HEBP1: variants seen among roughly 807,000 people sequenced by gnomAD.
HEBP1 encodes the protein heme binding protein 1.
In HEBP1, 13 loss-of-function variants were observed where a neutral mutation model predicts 20.4. The observed-to-expected ratio is 0.64, with a 90% CI of 0.42 to 1.01. The LOEUF is 1.01. HEBP1 is among the 50% of genes least tolerant of loss of function. The pLI, the probability that HEBP1 is intolerant of heterozygous loss-of-function variation, is 0.00. For missense variants in HEBP1, 241 were observed against 247.3 expected (o/e 0.97, Z 0.17); for synonymous variants, 92 against 90.7 (o/e 1.01, Z -0.08).
rs932131055 is a variant in HEBP1 at position 12,986,300 on chromosome 12, A to G, written c.398+852T>C. 1.3e-5 allele frequency: 2 copies of G among 152,410 alleles called. No individual in the cohort carries two copies. The highest frequency in any genetic ancestry group is 4.8e-5 in the African/African-American group (2 of 41,456). The allele number at this position is 152,410 out of a possible 1,614,324, so 9.4% of individuals were successfully genotyped here. On this transcript the variant is annotated intron_variant, in intron 3 of 3. Transcript: ENST00000014930. The surrounding 1 kb of genome is among the most constrained non-coding windows in gnomAD (Gnocchi z 4.3). ...ACACAGCTCCGGGGAAAATGGTCCC[A>G]CCATCAGGTTCAGGGTTGCAGCAGG...
At position 12,981,178 on chromosome 12, in the gene HEBP1, C is replaced by T. The variant is rs114371175; in HGVS notation, c.399-5699G>A. Among the ~76,000 whole-genome samples, 431 of 152,224 alleles carry T rather than the reference C, an allele frequency of 2.8e-3. 3 individuals are homozygous for T. The highest frequency in any genetic ancestry group is 9.7e-3 in the African/African-American group (403 of 41,544). On this transcript the variant is annotated intron_variant, in intron 3 of 3. Transcript: ENST00000014930. ...TGCAGAAGTGAAGGAGTCAGAATGA[C>T]ATTGGAACAGGGTGGGTAGGAGGAG...
At chr12:12,997,944 G>A (rs578057334) in intron 1 of HEBP1, among the ~76,000 whole-genome samples, 1 of 152,328 alleles carries the variant, frequency 6.6e-6, no homozygotes, top group East Asian at 1.9e-4. Flanking sequence ...GACCTTATCA[G>A]GTGCCTTTTT....
chr12:12,980,632 G>A (rs1864067488), intron 3 of HEBP1: 1 of 152,332 alleles, frequency 6.6e-6, no homozygotes, highest in Admixed American at 6.5e-5. Flanking sequence ...GTTGAGAGGA[G>A]CTGGGGACAT....
Position 13,000,191 on chromosome 12 carries a change from CCGGCGGCAGGGCGGCAGGGCGGCA to C in HEBP1, c.-101_-78del. On this transcript the variant is annotated 5_prime_UTR_variant, in exon 1 of 4. Coordinates refer to ENST00000014930, the MANE Select transcript of HEBP1 (RefSeq NM_015987.5). ...GACGGAGCACCACGGGCAGCGACCA[CCGGCGGCAGGGCGGCAGGGCGGCA>C]GGGCGGCAGGGCGGCAGGGTGGCAG... 1.7e-6 allele frequency: 1 copy of C among 576,720 alleles called. No individual in the cohort carries two copies. The highest frequency in any genetic ancestry group is 2.9e-6 in the Non-Finnish European group (1 of 344,834). 35.7% of individuals were successfully genotyped at this position (576,720 alleles called of 1,614,324 possible).
chr12:12,976,467 G>A (rs567412759), intron 3 of HEBP1, among the ~76,000 whole-genome samples: 3 of 152,282 alleles, frequency 2.0e-5, no homozygotes, highest in Admixed American at 6.5e-5. Flanking sequence ...TTAGAGTCAA[G>A]TACATCCCGA....
chr12:12,985,536 A>G (rs1565492541), intron 3 of HEBP1: 1 of 152,138 alleles, frequency 6.6e-6, no homozygotes, highest in Non-Finnish European at 1.5e-5. Context: ...GGTCTGGTAA[A>G]ACAAATGATC....
chr12:13,000,006 C>T (rs775585496), intron 1 of HEBP1, 31 bp downstream of exon 1: 10 of 1,533,378 alleles, frequency 6.5e-6, no homozygotes, highest in Middle Eastern at 1.7e-4. Flanking sequence ...GGCAGCAATC[C>T]TTCAGGTCCT....
At chr12:12,985,129 CAGAG>C (rs1323873841) in intron 3 of HEBP1, among the ~76,000 whole-genome samples, 3 of 148,580 alleles carry the variant, frequency 2.0e-5, no homozygotes, top group South Asian at 4.2e-4. Flanking sequence ...GCCTGGGCAA[CAGAG>C]AGAGACTCCG....
intron 1 of HEBP1, among the ~76,000 whole-genome samples, chr12:12,993,839 G>A (rs987511048): frequency 6.6e-6 from 1 of 152,152 alleles, no homozygotes; most frequent in Non-Finnish European, 1.5e-5. Context: ...ATCATCTAAT[G>A]ATATTTTTAG....
chr12:12,987,606 C>CTCTCTCTT (rs1449396761), intron 2 of HEBP1, among the ~76,000 whole-genome samples: 1 of 133,268 alleles, frequency 7.5e-6, no homozygotes, highest in Non-Finnish European at 1.7e-5. Context: ...CTCTCTCTCT[C>CTCTCTCTT]TCTCTTTCTC....
intron 1 of HEBP1, among the ~76,000 whole-genome samples, chr12:12,989,743 C>T (rs1006467823): frequency 1.4e-5 from 2 of 145,062 alleles, no homozygotes; most frequent in African/African-American, 2.5e-5. Context: ...AAGAAAAATT[C>T]AGTAAACAGG....
rs766415079 is a variant in HEBP1 at position 12,987,235 on chromosome 12, T to C, written c.315A>G (p.Pro105=). ...QKKLKVWFRI[P]NQFQSDPPAP... is the part of the protein sequence containing the mutation. ...CTGGTGGGTCGCTTTGAAATTGGTTTGGAATCCGGAACCAGACTTTTAATT... is the reference window on the plus strand; with the variant it reads ...CTGGTGGGTCGCTTTGAAATTGGTTCGGAATCCGGAACCAGACTTTTAATT... Residue 105 remains proline, a synonymous_variant, in exon 3 of 4, where the codon CCA becomes CCG. Transcript: ENST00000014930. 12 of 1,614,124 alleles carry C rather than the reference T, an allele frequency of 7.4e-6. No homozygotes were observed. The highest frequency in any genetic ancestry group is 5.9e-6 in the Non-Finnish European group (7 of 1,180,014).
intron 3 of HEBP1, among the ~76,000 whole-genome samples, chr12:12,983,170 T>A (rs1365564383): frequency 6.6e-6 from 1 of 152,244 alleles, no homozygotes; most frequent in Non-Finnish European, 1.5e-5. Context: ...TCTCCTGCTG[T>A]TGGTCCCTAT....
chr12:12,990,163 T>A (rs921918670), intron 1 of HEBP1, among the ~76,000 whole-genome samples: 6 of 150,010 alleles, frequency 4.0e-5, no homozygotes, highest in African/African-American at 1.5e-4. Context: ...CACACACACA[T>A]GTATTTTATT....
chr12:12,993,137 CCCTCCCTCCCTTCCTT>C (rs796240308), intron 1 of HEBP1, among the ~76,000 whole-genome samples: 201 of 43,080 alleles, frequency 4.7e-3, no homozygotes, highest in African/African-American at 8.7e-3. Context: ...CTCCCTCCCT[CCCTCCCTCCCTTCCTT>C]CCTTCCTTCC....
chr12:13,000,211 C>CGGCAGGGCGGCAGGGCGGCAGGGT lies in HEBP1; in HGVS notation c.-121_-98dup. On this transcript the variant is annotated 5_prime_UTR_variant, in exon 1 of 4. Coordinates refer to ENST00000014930, the MANE Select transcript of HEBP1 (RefSeq NM_015987.5). ...GACCACCGGCGGCAGGGCGGCAGGG[C>CGGCAGGGCGGCAGGGCGGCAGGGT]GGCAGGGCGGCAGGGCGGCAGGGTG... is the stretch of plus-strand genomic sequence containing the variant. 5.1e-6 allele frequency: 2 copies of CGGCAGGGCGGCAGGGCGGCAGGGT among 388,920 alleles called. No homozygotes were observed. The highest frequency in any genetic ancestry group is 2.1e-5 in the African/African-American group (1 of 47,484). 24.1% of individuals were successfully genotyped at this position (388,920 alleles called of 1,614,324 possible).
At position 12,998,052 on chromosome 12, in the gene HEBP1, T is replaced by G. The variant is rs760261755; in HGVS notation, c.78+1985A>C. Among the ~76,000 whole-genome samples, 1 of 152,126 alleles carries G rather than the reference T, an allele frequency of 6.6e-6. No individual in the cohort carries two copies. Among genetic ancestry groups the G allele is most frequent in the East Asian group, 1.9e-4 (1 of 5,164 alleles). ...CTGATATTAATAACTGGCATCCTTA[T>G]TGCATTTGTGTCCAGCCTATGCACA... On this transcript the variant is annotated intron_variant, in intron 1 of 3. Transcript: ENST00000014930. The surrounding 1 kb of genome is among the most constrained non-coding windows in gnomAD (Gnocchi z 4.2).
intron 2 of HEBP1, among the ~76,000 whole-genome samples, chr12:12,988,621 T>C (rs1417827376): frequency 6.6e-6 from 1 of 152,210 alleles, no homozygotes; most frequent in Non-Finnish European, 1.5e-5. Context: ...TTGCAGTGAT[T>C]CCAAAATGCT....
intron 3 of HEBP1, among the ~76,000 whole-genome samples, chr12:12,981,768 C>T (rs778747112): frequency 2.0e-5 from 3 of 152,076 alleles, no homozygotes; most frequent in Non-Finnish European, 2.9e-5. Flanking sequence ...AAGGAATGAA[C>T]GAGTGGGTAA....
Sources: allele counts gnomAD v4.1 joint callset (sites outside exome capture counted in the v4.1 genomes callset), GRCh38; gene constraint gnomAD v4.1.1; non-coding constraint Gnocchi (gnomAD v3.1); transcripts MANE v1.5; gene names NCBI Gene and HGNC (gene_info 2026-07-23, HGNC 2026-07-21).